Variants in DHX16 observed in about 807,000 individuals in gnomAD.
DHX16 encodes DEAH-box helicase 16, also known as pre-mRNA-splicing factor ATP-dependent RNA helicase DHX16.
In DHX16, 81 loss-of-function variants were observed where a neutral mutation model predicts 131.2. The observed-to-expected ratio is 0.62, with a 90% CI of 0.52 to 0.74. DHX16 has a LOEUF of 0.74. Ranked by LOEUF, DHX16 falls within the 30% of genes least tolerant of loss-of-function variation. DHX16 has a pLI of 0.00. For missense variants in DHX16, 980 were observed against 1,363.1 expected (o/e 0.72, Z 4.43); for synonymous variants, 440 against 520.2 (o/e 0.85, Z 2.10).
intron 19 of DHX16, among the ~76,000 whole-genome samples, chr6:30,653,606 C>G (rs1399880012): frequency 3.1e-4 from 1 of 3,242 alleles, no homozygotes; most frequent in Non-Finnish European, 4.6e-4. Context: ...CACTATGTTG[C>G]CTGGGCTGAT....
intron 1 of DHX16, among the ~76,000 whole-genome samples, chr6:30,672,176 G>A (rs1769621890): frequency 6.6e-6 from 1 of 151,710 alleles, no homozygotes; most frequent in Non-Finnish European, 1.5e-5. Context: ...GATATTAGCC[G>A]GGGGTGGTGG....
Position 30,660,157 on chromosome 6 carries a change from G to C in DHX16, c.1630C>G (p.Pro544Ala). Residue 544 changes from proline to alanine, a missense_variant, in exon 10 of 20, where the codon CCT becomes GCT. This residue lies in a region of DHX16 where 309 missense variants were observed against 537.1 expected (regional missense o/e 0.58). Coordinates refer to ENST00000376442, the MANE Select transcript of DHX16 (RefSeq NM_003587.5). Reference sequence around the variant, plus strand: ...GAAGCCACCAGGACCTTGAGCTCAGGTCGGAAGCGAGCAACATCCTTGATC... The same window carrying C: ...GAAGCCACCAGGACCTTGAGCTCAGCTCGGAAGCGAGCAACATCCTTGATC... ...GLIKDVARFR[P>A]ELKVLVASAT... 6.3e-7 allele frequency: 1 copy of C among 1,598,994 alleles called. No individual in the cohort carries two copies. The highest frequency in any genetic ancestry group is 8.5e-7 in the Non-Finnish European group (1 of 1,172,612).
chr6:30,657,166 T>A, intron 12 of DHX16, 74 bp from the exon 13 acceptor site: 1 of 1,505,986 alleles, frequency 6.6e-7, no homozygotes, highest in Middle Eastern at 1.8e-4. Flanking sequence ...CTTGGAAAGT[T>A]AGGAGTAGTG....
At position 30,656,917 on chromosome 6, in the gene DHX16, C is replaced by G. The variant is rs764100198; in HGVS notation, c.2148+35G>C. The G allele has an allele frequency of 3.7e-6, 6 of 1,600,354 alleles. No individual in the cohort carries two copies. The highest frequency in any genetic ancestry group is 5.1e-6 in the Non-Finnish European group (6 of 1,172,612). ...GTTGGACCTTCTCTGTGGGCCAACT[C>G]CACCTCCCCCACTCCCATGCATCCC... On this transcript the variant is annotated intron_variant, in intron 13 of 19. Coordinates refer to ENST00000376442, the MANE Select transcript of DHX16 (RefSeq NM_003587.5). The surrounding 1 kb of genome is among the most constrained non-coding windows in gnomAD (Gnocchi z 5.1).
chr6:30,661,767 T>C (rs1768536489), intron 9 of DHX16: 8 of 717,572 alleles, frequency 1.1e-5, no homozygotes, highest in Non-Finnish European at 1.8e-5. Context: ...CTAACTGTGA[T>C]GGTGAAGTCC....
In DHX16 at chr6:30,657,085, A is replaced by G. The variant is rs766669216; in HGVS notation, c.2015T>C (p.Val672Ala). Residue 672 changes from valine to alanine, a missense_variant, in exon 13 of 20, where the codon GTG becomes GCG. Val to Ala is a moderately conservative substitution (Grantham distance 64). Transcript: ENST00000376442. ...TGATGTCTCAGCAATGTTCGTTGCC[A>G]CAACCACCTGAGTGATAGGATATGG... ...PTPPGARKVV[V>A]ATNIAETSLT... 3.1e-5 allele frequency: 50 copies of G among 1,612,424 alleles called. No individual in the cohort carries two copies. Among genetic ancestry groups the G allele is most frequent in the Non-Finnish European group, 4.2e-5 (49 of 1,179,740 alleles).
rs199869295 is a variant in DHX16, at chr6:30,665,546, G to A, written c.854C>T (p.Ala285Val). Residue 285 changes from alanine to valine, a missense_variant, in exon 5 of 20, where the codon GCA becomes GTA. Around this residue, in one of 3 missense-constraint regions of DHX16, gnomAD observed 457 missense variants for 554.8 expected, o/e 0.82. Transcript: ENST00000376442. The surrounding 1 kb of genome is among the most constrained non-coding windows in gnomAD (Gnocchi z 4.8). ...CTCCAGCTTCTCCTGCTCCCCAGCTGCCCGGTACTCCCGGGCGAGATCCCG... is the reference window on the plus strand; with the variant it reads ...CTCCAGCTTCTCCTGCTCCCCAGCTACCCGGTACTCCCGGGCGAGATCCCG... ...RVRDLAREYR[A>V]AGEQEKLEAT... 148 of 1,613,066 alleles carry A rather than the reference G, an allele frequency of 9.2e-5. No individual in the cohort carries two copies. The highest frequency in any genetic ancestry group is 5.9e-6 in the Non-Finnish European group (7 of 1,180,044).
At position 30,656,498 on chromosome 6, in the gene DHX16, G is replaced by A; in HGVS notation, c.2323C>T (p.Leu775=). The part of the protein sequence containing the change: ...LLLKSLGIHD[L]MHFDFLDPPP... ...GGGTCCAGGAAATCAAAGTGCATTA[G>A]GTCATGGATCCCTAGAAAGAGGTGT... The change falls in exon 15 of 20, where the codon CTA becomes TTA. Residue 775 remains leucine (L), a synonymous_variant. Coordinates refer to ENST00000376442, the MANE Select transcript of DHX16 (RefSeq NM_003587.5). This position sits in a 1 kb window ranked among gnomAD's most constrained non-coding sequence, Gnocchi z 5.1. The A allele has an allele frequency of 1.2e-6, 2 of 1,614,176 alleles. No individual in the cohort carries two copies. Among genetic ancestry groups the A allele is most frequent in the Non-Finnish European group, 1.7e-6 (2 of 1,180,036 alleles).
Position 30,655,613 on chromosome 6 carries a change from G to A in DHX16, c.2499-16C>T. 1 of 1,612,974 alleles carries A rather than the reference G, an allele frequency of 6.2e-7. No individual in the cohort carries two copies. The highest frequency in any genetic ancestry group is 8.5e-7 in the Non-Finnish European group (1 of 1,179,930). On this transcript the variant is annotated splice_polypyrimidine_tract_variant and intron_variant, in intron 16 of 19. Transcript: ENST00000376442. ...ACAGCTGTACCTGGGACAGGAAGGG[G>A]AAAGCATGAGTTCAAAGCAAGACAC...
At chr6:30,661,040 G>A (rs1768461999) in intron 9 of DHX16, among the ~76,000 whole-genome samples, 1 of 151,498 alleles carries the variant, frequency 6.6e-6, no homozygotes, top group Non-Finnish European at 1.5e-5. Flanking sequence ...TGGGACTACA[G>A]GTGCCTGCCA....
Position 30,665,397 on chromosome 6 carries a change from C to A in DHX16, c.921+82G>T. 4.4e-6 allele frequency: 7 copies of A among 1,581,852 alleles called. No homozygotes were observed. Among genetic ancestry groups the A allele is most frequent in the Non-Finnish European group, 6.0e-6 (7 of 1,163,132 alleles). ...ACGGCAAGGCAAGAAAGGGGATGACCCACGTGTTGCCCAATCCCCTGAAGC... is the reference window on the plus strand; with the variant it reads ...ACGGCAAGGCAAGAAAGGGGATGACACACGTGTTGCCCAATCCCCTGAAGC... On this transcript the variant is annotated intron_variant, in intron 5 of 19. Transcript: ENST00000376442. This position sits in a 1 kb window ranked among gnomAD's most constrained non-coding sequence, Gnocchi z 4.8.
chr6:30,655,617 G>A lies in DHX16; in HGVS notation c.2499-20C>T. ...CTGTACCTGGGACAGGAAGGGGAAA[G>A]CATGAGTTCAAAGCAAGACACATAG... On this transcript the variant is annotated intron_variant, in intron 16 of 19. Coordinates refer to ENST00000376442, the MANE Select transcript of DHX16 (RefSeq NM_003587.5). 6.2e-7 allele frequency: 1 copy of A among 1,612,912 alleles called. No individual in the cohort carries two copies. Among genetic ancestry groups the A allele is most frequent in the South Asian group, 1.1e-5 (1 of 91,074 alleles).
chr6:30,661,799 C>T, intron 9 of DHX16: 1 of 717,830 alleles, frequency 1.4e-6, no homozygotes, highest in Non-Finnish European at 2.6e-6. Context: ...ACAAAGCAGG[C>T]TGGCTCGATG....
At position 30,672,686 on chromosome 6, in the gene DHX16, G is replaced by A; in HGVS notation, c.156C>T (p.Thr52=). The change falls in exon 1 of 20, where the codon ACC becomes ACT. Residue 52 remains threonine (T), a synonymous_variant. Coordinates refer to ENST00000376442, the MANE Select transcript of DHX16 (RefSeq NM_003587.5). ...CCCGGGCCGGCCCACTGAGATCCAA[G>A]GTATCAGTGTCTCGTAGGCGCTGCA... ...EFVQRLRDTD[T]LDLSGPARDF... is the part of the protein sequence containing the mutation. 1 of 1,612,944 alleles carries A rather than the reference G, an allele frequency of 6.2e-7. No homozygotes were observed. The highest frequency in any genetic ancestry group is 8.5e-7 in the Non-Finnish European group (1 of 1,179,928).
Position 30,670,693 on chromosome 6 carries a change from C to T in DHX16, c.609+97G>A. 3 of 1,532,184 alleles carry T rather than the reference C, an allele frequency of 2.0e-6. No individual in the cohort carries two copies. Among genetic ancestry groups the T allele is most frequent in the Non-Finnish European group, 2.7e-6 (3 of 1,123,078 alleles). 94.9% of individuals were successfully genotyped at this position (1,532,184 alleles called of 1,614,324 possible). On this transcript the variant is annotated intron_variant, in intron 3 of 19. Coordinates refer to ENST00000376442, the MANE Select transcript of DHX16 (RefSeq NM_003587.5). The surrounding 1 kb of genome is among the most constrained non-coding windows in gnomAD (Gnocchi z 4.4). ...GTGAACATCTCACTAGAGACAGCCC[C>T]TTGTCTTCCCAGAGATCACTATCTC...
chr6:30,655,102 T>C, intron 18 of DHX16, 73 bp downstream of exon 18: 1 of 1,584,656 alleles, frequency 6.3e-7, no homozygotes, highest in Non-Finnish European at 8.6e-7. Context: ...GAGGAAATGC[T>C]GCATGCCCCC....
At position 30,664,847 on chromosome 6, in the gene DHX16, G is replaced by A. The variant is rs1768861637; in HGVS notation, c.1271C>T (p.Thr424Ile). 1 of 1,613,080 alleles carries A rather than the reference G, an allele frequency of 6.2e-7. No individual in the cohort carries two copies. The highest frequency in any genetic ancestry group is 8.5e-7 in the Non-Finnish European group (1 of 1,180,024). Residue 424 changes from threonine to isoleucine, a missense_variant, in exon 7 of 20, where the codon ACA (threonine) becomes ATA (isoleucine). Thr to Ile is a moderately conservative substitution (Grantham distance 89). Around this residue, in one of 3 missense-constraint regions of DHX16, gnomAD observed 309 missense variants for 537.1 expected, o/e 0.58. Transcript: ENST00000376442. Reference protein sequence around the residue: ...NHQVLIIEGETGSGKTTQIPQ... With the variant: ...NHQVLIIEGEIGSGKTTQIPQ... Reference sequence around the variant, plus strand: ...GATCTGGGTGGTCTTCCCTGAGCCTGTCTCGCCTTCAATGATGAGGACTTG... The same window carrying A: ...GATCTGGGTGGTCTTCCCTGAGCCTATCTCGCCTTCAATGATGAGGACTTG...
intron 18 of DHX16, 61 bp downstream of exon 18, chr6:30,655,114 G>C (rs1426604003): frequency 1.2e-6 from 2 of 1,603,938 alleles, no homozygotes; most frequent in African/African-American, 2.7e-5. Context: ...CATGCCCCCA[G>C]AGAAGCTTGC....
In DHX16 at chr6:30,664,868, A is replaced by T. The variant is rs1450817205; in HGVS notation, c.1250T>A (p.Val417Asp). Residue 417 changes from valine to aspartate, a missense_variant, in exon 7 of 20, where the codon GTC (valine) becomes GAC (aspartate). By Grantham distance (152) the Val-to-Asp change is radical. Around this residue, in one of 3 missense-constraint regions of DHX16, gnomAD observed 457 missense variants for 554.8 expected, o/e 0.82. Coordinates refer to ENST00000376442, the MANE Select transcript of DHX16 (RefSeq NM_003587.5). ...ELLAAIANHQ[V>D]LIIEGETGSG... ...GCCTGTCTCGCCTTCAATGATGAGGACTTGGTGATTTGCAATAGCAGCCAG... is the reference window on the plus strand; with the variant it reads ...GCCTGTCTCGCCTTCAATGATGAGGTCTTGGTGATTTGCAATAGCAGCCAG... 6.2e-7 allele frequency: 1 copy of T among 1,613,006 alleles called. No individual in the cohort carries two copies. The highest frequency in any genetic ancestry group is 8.5e-7 in the Non-Finnish European group (1 of 1,180,008).
Sources: allele counts gnomAD v4.1 joint callset (sites outside exome capture counted in the v4.1 genomes callset), GRCh38; gene constraint gnomAD v4.1.1; regional missense constraint gnomAD v4.1.1; non-coding constraint Gnocchi (gnomAD v3.1); transcripts MANE v1.5; gene names NCBI Gene and HGNC (gene_info 2026-07-23, HGNC 2026-07-21).